The following CNTN5 variants were observed in gnomAD, a reference collection of about 807,000 sequenced individuals.
CNTN5 encodes the protein contactin 5.
In CNTN5, 77 loss-of-function variants were observed where a neutral mutation model predicts 129.1. The ratio of observed to expected loss-of-function variants is 0.60; its 90% CI spans 0.50 to 0.72. CNTN5 has a LOEUF of 0.72. Among genes scored for constraint, CNTN5 ranks in the 30% least tolerant of loss-of-function variants. The probability of loss-of-function intolerance (pLI) is 0.00; values close to 1 mark genes in which losing one functional copy is unlikely to be tolerated. For synonymous variants in CNTN5, 509 were observed against 465.6 expected, an observed-to-expected ratio of 1.09 and a Z score of -1.20; for missense variants, 1,478 against 1,328.8, an observed-to-expected ratio of 1.11 and a Z score of -1.75.
At chr11:99,544,276 C>G (rs1040089526) in intron 2 of CNTN5, among the ~76,000 whole-genome samples, 1 of 152,158 alleles carries the variant, frequency 6.6e-6, no homozygotes, top group African/African-American at 2.4e-5. Flanking sequence ...CCAATCACCT[C>G]CCACTAGGCC....
intron 3 of CNTN5, among the ~76,000 whole-genome samples, chr11:99,724,870 C>T (rs1943286846): frequency 6.6e-6 from 1 of 151,990 alleles, no homozygotes; most frequent in African/African-American, 2.4e-5. Context: ...ATATATGTTG[C>T]CTATTAAGAA....
intron 13 of CNTN5, among the ~76,000 whole-genome samples, chr11:100,129,680 AT>A (rs1472041509): frequency 3.9e-5 from 6 of 152,184 alleles, no homozygotes; most frequent in African/African-American, 1.4e-4. Flanking sequence ...CCCCAAAAAA[AT>A]AAATAGCTAA....
chr11:99,778,134 G>A (rs1413032809), intron 3 of CNTN5, among the ~76,000 whole-genome samples: 1 of 151,548 alleles, frequency 6.6e-6, no homozygotes, highest in African/African-American at 2.4e-5. Context: ...TTTAAGCCTT[G>A]TTCTCTATTA....
chr11:99,036,884 T>C (rs991153334), intron 1 of CNTN5, among the ~76,000 whole-genome samples: 6 of 152,250 alleles, frequency 3.9e-5, no homozygotes, highest in Admixed American at 6.5e-5. Context: ...CCAGTGATGT[T>C]CTGAGTTGAT....
intron 1 of CNTN5, among the ~76,000 whole-genome samples, chr11:99,311,390 C>T (rs1032021285): frequency 2.0e-5 from 3 of 151,858 alleles, no homozygotes; most frequent in African/African-American, 7.3e-5. Flanking sequence ...TTAAGAATAC[C>T]ATTGTCATAT....
At position 99,556,221 on chromosome 11, in the gene CNTN5, T is replaced by C; in HGVS notation, c.7T>C (p.Ser3Pro). Residue 3 changes from serine (S) to proline (P), a missense_variant, in exon 3 of 25, where the codon TCC becomes CCC. Physicochemically the swap from Ser to Pro is moderately conservative, Grantham distance 74. Transcript: ENST00000524871. MA[S>P]SWKLMLFLSV... ...AAGATTCTAGTGACTGAGGATGGCT[T>C]CCTCTTGGAAACTAATGCTGTTTCT... The C allele has an allele frequency of 3.3e-6, 5 of 1,513,706 alleles. No homozygotes were observed. The highest frequency in any genetic ancestry group is 4.5e-6 in the Non-Finnish European group (5 of 1,122,358). The allele number at this position is 1,513,706 out of a possible 1,614,324, so 93.8% of individuals were successfully genotyped here.
At chr11:99,415,994 A>T (rs1942641041) in intron 2 of CNTN5, among the ~76,000 whole-genome samples, 1 of 152,188 alleles carries the variant, frequency 6.6e-6, no homozygotes, top group African/African-American at 2.4e-5. Context: ...CAATATAAGT[A>T]GCCTCAAAAT....
chr11:99,279,417 T>G (rs916960577), intron 1 of CNTN5, among the ~76,000 whole-genome samples: 5 of 151,836 alleles, frequency 3.3e-5, no homozygotes, highest in African/African-American at 1.2e-4. Context: ...TAAGACAGAC[T>G]AATCAATCTA....
At chr11:99,613,008 T>G (rs898256820) in intron 3 of CNTN5, among the ~76,000 whole-genome samples, 12 of 152,136 alleles carry the variant, frequency 7.9e-5, no homozygotes, top group African/African-American at 2.9e-4. Context: ...CAGAGTCACT[T>G]ACACTCCAGG....
chr11:99,205,070 T>C (rs1016795504), intron 1 of CNTN5, among the ~76,000 whole-genome samples: 1 of 152,110 alleles, frequency 6.6e-6, no homozygotes, highest in African/African-American at 2.4e-5. Context: ...AAAATCAAAC[T>C]TACCAATAAT....
At chr11:99,614,018 G>T (rs545690205) in intron 3 of CNTN5, among the ~76,000 whole-genome samples, 1 of 152,130 alleles carries the variant, frequency 6.6e-6, no homozygotes, top group Non-Finnish European at 1.5e-5. Flanking sequence ...TAGCTATATA[G>T]CATGTGAATT....
At chr11:99,996,544 A>AT (rs933770685) in intron 8 of CNTN5, among the ~76,000 whole-genome samples, 14 of 151,826 alleles carry the variant, frequency 9.2e-5, no homozygotes, top group African/African-American at 2.4e-5. Context: ...TCTCTTTATC[A>AT]TTTTTTTATA....
rs545470651 is a variant in CNTN5 at position 99,990,338 on chromosome 11, G to A, written c.878-11696G>A. 2.0e-5 allele frequency among the ~76,000 whole-genome samples: 3 copies of A among 151,482 alleles called. No homozygotes were observed. The South Asian group carries it at 6.2e-4, about 32-fold the overall frequency. On this transcript the variant is annotated intron_variant, in intron 8 of 24. Transcript: ENST00000524871. The stretch of plus-strand genomic sequence containing the variant: ...CAATTTATTCCTGATGCTTGGAAAG[G>A]GAAAATAAATTTATTGGCTTCCCTT...
intron 1 of CNTN5, among the ~76,000 whole-genome samples, chr11:99,092,633 A>G (rs1190665996): frequency 6.6e-6 from 1 of 152,086 alleles, no homozygotes. Flanking sequence ...ACTAAATATG[A>G]TTTAAGTATA....
intron 6 of CNTN5, among the ~76,000 whole-genome samples, chr11:99,845,810 C>T (rs967588794): frequency 6.6e-6 from 1 of 152,058 alleles, no homozygotes; most frequent in Non-Finnish European, 1.5e-5. Context: ...TTGAAACCCA[C>T]CACTTTTTAT....
chr11:100,350,975 G>A (rs1952398245), intron 24 of CNTN5, 105 bp downstream of exon 24: 3 of 829,662 alleles, frequency 3.6e-6, no homozygotes, highest in South Asian at 2.3e-5. Flanking sequence ...CAGAGATTTT[G>A]AGGGATTTCT....
chr11:99,956,885 A>G lies in CNTN5; in HGVS notation c.753A>G (p.Thr251=), dbSNP rs1391292133. The change falls in exon 8 of 25, where the codon ACA becomes ACG. Residue 251 remains threonine, a synonymous_variant. Coordinates refer to ENST00000524871, the MANE Select transcript of CNTN5 (RefSeq NM_014361.4). ...EDSRRFISQE[T]GNLYISKVQT... is the part of the protein sequence containing the mutation. ...GCCGGCGGTTCATCTCCCAGGAGAC[A>G]GGCAACCTTTATATTTCTAAAGTCC... The G allele has an allele frequency of 6.2e-7, 1 of 1,613,922 alleles. No homozygotes were observed. Among genetic ancestry groups the G allele is most frequent in the South Asian group, 1.1e-5 (1 of 91,082 alleles).
intron 3 of CNTN5, among the ~76,000 whole-genome samples, chr11:99,760,651 A>G (rs1944547859): frequency 6.6e-6 from 1 of 152,182 alleles, no homozygotes; most frequent in Admixed American, 6.6e-5. Flanking sequence ...ATTCCAATTT[A>G]TATGCAAAAT....
At chr11:99,189,507 A>G (rs1271969273) in intron 1 of CNTN5, among the ~76,000 whole-genome samples, 2 of 151,638 alleles carry the variant, frequency 1.3e-5, no homozygotes, top group African/African-American at 2.4e-5. Flanking sequence ...TACCAACACT[A>G]TGCAAAGGTT....
Sources: gnomAD v4.1 joint callset for allele counts (sites outside exome capture counted in the v4.1 genomes callset) on GRCh38, gnomAD v4.1.1 for gene constraint, MANE v1.5 for transcripts, NCBI Gene and HGNC (gene_info 2026-07-23, HGNC 2026-07-21) for gene names.